COBLL1: variants seen among roughly 807,000 people sequenced by gnomAD.
COBLL1 encodes cordon-bleu protein-like 1.
In COBLL1, 50 loss-of-function variants were observed where a neutral mutation model predicts 94.8. The observed-to-expected ratio is 0.53, with a 90% CI of 0.42 to 0.67. COBLL1 has a LOEUF of 0.67. Ranked by LOEUF, COBLL1 falls within the 30% of genes least tolerant of loss-of-function variation. The pLI is 0.00. For missense variants in COBLL1, 1,362 were observed against 1,348.7 expected (o/e 1.01, Z -0.15); for synonymous variants, 448 against 473.8 (o/e 0.95, Z 0.71).
Position 164,728,154 on chromosome 2 carries a change from G to T in COBLL1, c.476C>A (p.Thr159Asn). The T allele has an allele frequency of 6.2e-7, 1 of 1,613,568 alleles. No individual in the cohort carries two copies. The highest frequency in any genetic ancestry group is 8.5e-7 in the Non-Finnish European group (1 of 1,179,590). The change falls in exon 5 of 14, where the codon ACC (threonine) becomes AAC (asparagine). Residue 159 changes from threonine to asparagine, a missense_variant. Transcript: ENST00000652658. ...VVINFKKTQKTIVRVSPHASL... is the reference protein window; with the variant it reads ...VVINFKKTQKNIVRVSPHASL... ...TGCATGTGGACTCACTCTCACTATGGTCTTCTGTGTTTTCTTAAAATTAAT... is the reference window on the plus strand; with the variant it reads ...TGCATGTGGACTCACTCTCACTATGTTCTTCTGTGTTTTCTTAAAATTAAT...
chr2:164,663,012 C>T (rs769153071), intron 2 of COBLL1, among the ~76,000 whole-genome samples: 4 of 152,148 alleles, frequency 2.6e-5, no homozygotes, highest in Admixed American at 2.0e-4. Flanking sequence ...ATCATGGCAA[C>T]ATCCTTTCAT....
At chr2:164,839,111 T>A (rs1406716376) in intron 2 of COBLL1, among the ~76,000 whole-genome samples, 1 of 152,170 alleles carries the variant, frequency 6.6e-6, no homozygotes, top group Non-Finnish European at 1.5e-5. Flanking sequence ...AATGATAACT[T>A]CTCTGAGTAG....
At chr2:164,803,372 C>T (rs899196302) in intron 2 of COBLL1, among the ~76,000 whole-genome samples, 3 of 151,062 alleles carry the variant, frequency 2.0e-5, no homozygotes, top group Non-Finnish European at 3.0e-5. Context: ...GAGACCATCC[C>T]GGCTAAAACG....
At chr2:164,676,728 A>G (rs1242343856), downstream of COBLL1, among the ~76,000 whole-genome samples, 1 of 150,976 alleles carries the variant, frequency 6.6e-6, no homozygotes, top group Non-Finnish European at 1.5e-5. Flanking sequence ...CCAGAATCCC[A>G]TCAAAATCAG....
chr2:164,727,899 C>A, intron 5 of COBLL1, 70 bp downstream of exon 5: 1 of 1,096,208 alleles, frequency 9.1e-7, no homozygotes, highest in South Asian at 1.5e-5. Flanking sequence ...CACCTTCACA[C>A]AAACACAATG....
At chr2:164,823,118 G>A (rs989352431) in intron 2 of COBLL1, among the ~76,000 whole-genome samples, 1 of 152,110 alleles carries the variant, frequency 6.6e-6, no homozygotes, top group Non-Finnish European at 1.5e-5. Flanking sequence ...AACAGTGAGA[G>A]TATTGTTTAC....
chr2:164,736,790 T>G (rs1686333047), intron 3 of COBLL1, among the ~76,000 whole-genome samples: 1 of 152,146 alleles, frequency 6.6e-6, no homozygotes, highest in Non-Finnish European at 1.5e-5. Flanking sequence ...AAATAGCACG[T>G]ACAATATAAT....
intron 2 of COBLL1, among the ~76,000 whole-genome samples, chr2:164,829,398 T>C (rs989100957): frequency 6.6e-6 from 1 of 152,146 alleles, no homozygotes; most frequent in African/African-American, 2.4e-5. Flanking sequence ...ACTCACTAAA[T>C]ATATTTTGCT....
intron 2 of COBLL1, among the ~76,000 whole-genome samples, chr2:164,789,709 C>T (rs1324043230): frequency 1.3e-5 from 2 of 152,162 alleles, no homozygotes; most frequent in Non-Finnish European, 2.9e-5. Context: ...CTACTTGAAA[C>T]CCAGTCATCA....
chr2:164,673,602 G>A (rs1056663891), intron 1 of COBLL1, among the ~76,000 whole-genome samples: 1 of 152,112 alleles, frequency 6.6e-6, no homozygotes, highest in African/African-American at 2.4e-5. Context: ...TTGAACCCAG[G>A]AGCGGAGGTT....
chr2:164,756,113 G>A (rs1687395084), intron 2 of COBLL1, among the ~76,000 whole-genome samples: 2 of 152,106 alleles, frequency 1.3e-5, no homozygotes, highest in African/African-American at 4.8e-5. Flanking sequence ...GAGAGCAAGA[G>A]TGAGGGAATG....
intron 2 of COBLL1, among the ~76,000 whole-genome samples, chr2:164,779,251 T>C (rs1251855754): frequency 6.6e-6 from 1 of 152,152 alleles, no homozygotes; most frequent in Non-Finnish European, 1.5e-5. Context: ...AATATTACCA[T>C]AGATCACAGG....
chr2:164,675,796 G>A (rs538870012), downstream of COBLL1, among the ~76,000 whole-genome samples: 2 of 152,164 alleles, frequency 1.3e-5, no homozygotes, highest in South Asian at 2.1e-4. Flanking sequence ...TTTATGGTAG[G>A]AGAATAGAAA....
At chr2:164,711,606 T>G (rs1684904305) in intron 7 of COBLL1, among the ~76,000 whole-genome samples, 1 of 151,890 alleles carries the variant, frequency 6.6e-6, no homozygotes, top group African/African-American at 2.4e-5. Context: ...CTTTGTTGAA[T>G]CAGTGATGAA....
At chr2:164,746,557 T>G (rs1686868405) in intron 2 of COBLL1, among the ~76,000 whole-genome samples, 1 of 152,040 alleles carries the variant, frequency 6.6e-6, no homozygotes, top group South Asian at 2.1e-4. Context: ...TCAGTCAAAA[T>G]GTACCAAATA....
At chr2:164,754,092 A>G (rs1207073695) in intron 2 of COBLL1, among the ~76,000 whole-genome samples, 1 of 152,170 alleles carries the variant, frequency 6.6e-6, no homozygotes, top group East Asian at 1.9e-4. Context: ...GGTATTTCCA[A>G]TGAAAATATA....
chr2:164,744,516 C>T (rs897381030), intron 2 of COBLL1, among the ~76,000 whole-genome samples: 2 of 152,008 alleles, frequency 1.3e-5, no homozygotes, highest in Non-Finnish European at 2.9e-5. Context: ...TAACTCCCTG[C>T]AAAAAAGAAG....
intron 13 of COBLL1, 46 bp from the exon 14 acceptor site, chr2:164,686,078 T>C: frequency 9.6e-7 from 1 of 1,043,770 alleles, no homozygotes; most frequent in Non-Finnish European, 1.4e-6. Context: ...TAAAATGGGA[T>C]AGCTGTCTAA....
At chr2:164,837,062 T>C (rs1183813190) in intron 2 of COBLL1, among the ~76,000 whole-genome samples, 1 of 152,232 alleles carries the variant, frequency 6.6e-6, no homozygotes, top group Non-Finnish European at 1.5e-5. Flanking sequence ...AGAAAGCAGC[T>C]GTTAAATCAT....
Sources: gnomAD v4.1 joint callset for allele counts (sites outside exome capture counted in the v4.1 genomes callset) on GRCh38, gnomAD v4.1.1 for gene constraint, MANE v1.5 for transcripts, NCBI Gene and HGNC (gene_info 2026-07-23, HGNC 2026-07-21) for gene names.